Variants in CCDC7 observed in about 807,000 individuals in gnomAD.
The protein encoded by CCDC7 is coiled-coil domain containing 7.
CCDC7 carries 183 observed loss-of-function variants against 196.9 expected under a neutral mutation model. The observed-to-expected ratio is 0.93, with a 90% CI of 0.82 to 1.05. The LOEUF (loss-of-function observed/expected upper bound fraction) is 1.05. Among genes scored for constraint, CCDC7 ranks in the 50% least tolerant of loss-of-function variants. CCDC7 has a pLI of 0.00. For synonymous variants in CCDC7, 525 were observed against 484.6 expected (o/e 1.08, Z -1.10); for missense variants, 1,540 against 1,482.2 (o/e 1.04, Z -0.64).
intron 30 of CCDC7, among the ~76,000 whole-genome samples, chr10:32,807,002 C>CA (rs2085981581): frequency 6.6e-6 from 1 of 151,966 alleles, no homozygotes; most frequent in African/African-American, 2.4e-5. Context: ...GACTGTTAAC[C>CA]AAAAATCTTA....
chr10:32,624,115 T>G (rs2139236877), intron 18 of CCDC7, among the ~76,000 whole-genome samples: 1 of 152,316 alleles, frequency 6.6e-6, no homozygotes, highest in East Asian at 1.9e-4. Context: ...TTCAATGCAC[T>G]AGAACATTCT....
At chr10:32,732,039 A>G (rs2084069214) in intron 28 of CCDC7, among the ~76,000 whole-genome samples, 1 of 152,174 alleles carries the variant, frequency 6.6e-6, no homozygotes, top group South Asian at 2.1e-4. Flanking sequence ...CAACAGAGTT[A>G]GACTCCGTCT....
At chr10:32,685,344 A>C (rs2076349445) in intron 21 of CCDC7, among the ~76,000 whole-genome samples, 1 of 151,750 alleles carries the variant, frequency 6.6e-6, no homozygotes, top group African/African-American at 2.4e-5. Context: ...ATTATACTAT[A>C]GTTTATAGCA....
At chr10:32,737,286 T>C (rs2085023563) in intron 28 of CCDC7, among the ~76,000 whole-genome samples, 1 of 152,180 alleles carries the variant, frequency 6.6e-6, no homozygotes, top group Non-Finnish European at 1.5e-5. Context: ...TTTTTGCATC[T>C]TTATTCATGA....
chr10:32,626,055 A>G (rs1221019579), intron 18 of CCDC7, among the ~76,000 whole-genome samples: 1 of 152,050 alleles, frequency 6.6e-6, no homozygotes, highest in African/African-American at 2.4e-5. Flanking sequence ...TTCTTTGACA[A>G]ACGGGTTTTA....
intron 18 of CCDC7, among the ~76,000 whole-genome samples, chr10:32,601,322 C>T (rs975718536): frequency 1.3e-5 from 2 of 152,214 alleles, no homozygotes; most frequent in African/African-American, 4.8e-5. Context: ...CCACCTGCCT[C>T]AGCCTCCCAA....
exon 11 of CCDC7, chr10:32,518,466 G>C (rs2047392493): frequency 2.5e-6 from 4 of 1,606,266 alleles, no homozygotes; most frequent in Non-Finnish European, 3.4e-6. Flanking sequence ...AAGAGAAGTT[G>C]GTGCTGGAAA....
chr10:32,806,359 C>G (rs988831100), intron 30 of CCDC7, among the ~76,000 whole-genome samples: 4 of 152,024 alleles, frequency 2.6e-5, no homozygotes, highest in African/African-American at 9.7e-5. Flanking sequence ...AAGTATGACC[C>G]ATACACAGAA....
intron 31 of CCDC7, among the ~76,000 whole-genome samples, chr10:32,818,072 T>G (rs1361804188): frequency 1.3e-5 from 2 of 152,144 alleles, no homozygotes; most frequent in Non-Finnish European, 2.9e-5. Context: ...GACCCATCAG[T>G]GTGCTGTATT....
At chr10:32,485,635 G>A (rs992182823) in intron 8 of CCDC7, among the ~76,000 whole-genome samples, 6 of 152,184 alleles carry the variant, frequency 3.9e-5, no homozygotes, top group Admixed American at 3.9e-4. Context: ...TGGGCATTTA[G>A]TGCTATAAAT....
chr10:32,449,487 AT>A (rs2032414236), upstream of CCDC7, among the ~76,000 whole-genome samples: 1 of 151,576 alleles, frequency 6.6e-6, no homozygotes, highest in South Asian at 2.1e-4. Context: ...CGCCTGGCCT[AT>A]TTTTTATTTT....
chr10:32,671,429 A>C (rs887819601), intron 21 of CCDC7, among the ~76,000 whole-genome samples: 1 of 152,182 alleles, frequency 6.6e-6, no homozygotes, highest in African/African-American at 2.4e-5. Flanking sequence ...GTAGTAGGCT[A>C]TACCATGTAG....
chr10:32,591,756 C>T (rs371385447), intron 18 of CCDC7, among the ~76,000 whole-genome samples: 1 of 152,126 alleles, frequency 6.6e-6, no homozygotes. Flanking sequence ...GGACCAAGGG[C>T]TCTTCAGTTA....
At chr10:32,480,250 C>A (rs575718320) in intron 8 of CCDC7, among the ~76,000 whole-genome samples, 1 of 151,508 alleles carries the variant, frequency 6.6e-6, no homozygotes, top group Non-Finnish European at 1.5e-5. Flanking sequence ...TCAGTTTGTT[C>A]TTTTTCTAGT....
intron 11 of CCDC7, among the ~76,000 whole-genome samples, chr10:32,534,535 A>G (rs1204627252): frequency 6.6e-6 from 1 of 151,708 alleles, no homozygotes; most frequent in East Asian, 1.9e-4. Context: ...CTGGAAAAAA[A>G]TGGATGTATT....
chr10:32,857,676 A>G lies in CCDC7; in HGVS notation c.4111+3187A>G, dbSNP rs578172825. ...TAGCAATAAATGACCACATTATAAA[A>G]GAAGAAAGATTCCAAATAAATAGCC... On this transcript the variant is annotated intron_variant, in intron 41 of 41. Transcript: ENST00000639629. Among the ~76,000 whole-genome samples, 16 of 152,278 alleles carry G rather than the reference A, an allele frequency of 1.1e-4. 1 individual carries two copies. Among genetic ancestry groups the G allele is most frequent in the Admixed American group, 2.6e-4 (4 of 15,292 alleles).
chr10:32,560,363 A>G (rs1270542460), intron 13 of CCDC7, among the ~76,000 whole-genome samples: 1 of 152,122 alleles, frequency 6.6e-6, no homozygotes, highest in Non-Finnish European at 1.5e-5. Flanking sequence ...TCCAAGACAC[A>G]TAATTGTCAG....
chr10:32,849,325 T>G (rs1219402114), intron 39 of CCDC7, among the ~76,000 whole-genome samples: 2 of 152,132 alleles, frequency 1.3e-5, no homozygotes, highest in Non-Finnish European at 2.9e-5. Context: ...TTCACCCATA[T>G]GTATGGCGGT....
At chr10:32,652,368 A>T in intron 20 of CCDC7, among the ~76,000 whole-genome samples, 1 of 151,166 alleles carries the variant, frequency 6.6e-6, no homozygotes, top group East Asian at 1.9e-4. Flanking sequence ...TCATTCAGCC[A>T]CTCTATGTCT....
Sources: gnomAD v4.1 joint callset for allele counts (sites outside exome capture counted in the v4.1 genomes callset) on GRCh38, gnomAD v4.1.1 for gene constraint, MANE v1.5 for transcripts, NCBI Gene and HGNC (gene_info 2026-07-23, HGNC 2026-07-21) for gene names.